The following MLIP variants were observed in gnomAD, a reference collection of about 807,000 sequenced individuals.
The protein encoded by MLIP is muscular LMNA interacting protein.
A neutral mutation model predicts 84.8 loss-of-function variants in MLIP; 79 were observed. The ratio of observed to expected loss-of-function variants is 0.93; its 90% confidence interval spans 0.78 to 1.12. The LOEUF is 1.12. MLIP is among the 50% of genes most tolerant of loss of function. The pLI is 0.00. For missense variants in MLIP, 1,257 were observed against 1,160.6 expected (o/e 1.08, Z -1.21); for synonymous variants, 504 against 463.0 (o/e 1.09, Z -1.14).
At chr6:54,139,300 A>G (rs886717117) in intron 4 of MLIP, among the ~76,000 whole-genome samples, 1 of 152,232 alleles carries the variant, frequency 6.6e-6, no homozygotes, top group Non-Finnish European at 1.5e-5. Flanking sequence ...TGTGTAAGTC[A>G]GATTATAAAT....
chr6:54,155,432 C>T (rs553908874), intron 5 of MLIP, among the ~76,000 whole-genome samples: 3 of 152,106 alleles, frequency 2.0e-5, no homozygotes, highest in South Asian at 2.1e-4. Flanking sequence ...TTGATTTGAT[C>T]GTTACTAAAA....
chr6:54,093,329 AATTCTATTCTATTCT>A lies in MLIP; in HGVS notation c.64-28067_64-28053del, dbSNP rs70980891. The stretch of plus-strand genomic sequence containing the variant: ...GTGCTTATTAATATATTTTCGATTA[AATTCTATTCTATTCT>A]ATTCTATTCTATTCTATTCTATTCT... On this transcript the variant is annotated intron_variant, in intron 1 of 12. Coordinates refer to the MLIP transcript ENST00000274897. 7.7e-3 allele frequency among the ~76,000 whole-genome samples: 1,035 copies of A among 134,074 alleles called. 9 individuals are homozygous for A. The highest frequency in any genetic ancestry group is 8.5e-3 in the South Asian group (32 of 3,762). 88.0% of individuals were successfully genotyped at this position (134,074 alleles called of 152,430 possible). A position where few individuals can be genotyped will look rare whatever the true frequency, so the allele number is the denominator to read the frequency against.
chr6:54,201,814 A>G (rs1255238224), intron 10 of MLIP, among the ~76,000 whole-genome samples: 3 of 152,184 alleles, frequency 2.0e-5, no homozygotes, highest in Admixed American at 6.5e-5. Context: ...TAGCAAATGA[A>G]ATATGTGTTG....
intron 1 of MLIP, among the ~76,000 whole-genome samples, chr6:54,087,852 CTTGCTCT>C (rs1432226127): frequency 6.9e-6 from 1 of 144,730 alleles, no homozygotes; most frequent in African/African-American, 2.5e-5. Flanking sequence ...GTTTGAGATT[CTTGCTCT>C]TTGCCAGAAG....
chr6:54,226,449 G>A (rs1048605991), intron 11 of MLIP, among the ~76,000 whole-genome samples: 3 of 152,158 alleles, frequency 2.0e-5, no homozygotes, highest in African/African-American at 7.2e-5. Flanking sequence ...AAGTTATTGA[G>A]ACTGGGTTAC....
At chr6:54,061,316 A>G (rs1242671468) in intron 1 of MLIP, among the ~76,000 whole-genome samples, 1 of 152,132 alleles carries the variant, frequency 6.6e-6, no homozygotes, top group Admixed American at 6.6e-5. Flanking sequence ...GCAGTAGACA[A>G]AACTGTATCA....
chr6:54,198,900 GTGTGTGTGTGTT>G (rs1778484956), intron 10 of MLIP, among the ~76,000 whole-genome samples: 7 of 138,998 alleles, frequency 5.0e-5, no homozygotes, highest in Non-Finnish European at 1.1e-4. Flanking sequence ...GTGTGTATAT[GTGTGTGTGTGTT>G]TGTGTGTGTG....
chr6:54,173,604 G>A (rs148702023), intron 9 of MLIP, among the ~76,000 whole-genome samples: 1 of 151,624 alleles, frequency 6.6e-6, no homozygotes, highest in Non-Finnish European at 1.5e-5. Flanking sequence ...TATTTTGTGG[G>A]TACATAGTAG....
At chr6:54,244,501 A>C (rs1359859745) in intron 12 of MLIP, among the ~76,000 whole-genome samples, 2 of 152,218 alleles carry the variant, frequency 1.3e-5, no homozygotes, top group Non-Finnish European at 2.9e-5. Flanking sequence ...ATGCAAATTA[A>C]TTTGACTTTT....
chr6:54,217,328 G>C (rs942268707), intron 11 of MLIP: 174 of 985,200 alleles, frequency 1.8e-4, no homozygotes, highest in Non-Finnish European at 2.1e-4. Context: ...AATAAGAAGA[G>C]CTCAAAATGC....
At chr6:54,218,345 C>T (rs969714636) in intron 11 of MLIP, among the ~76,000 whole-genome samples, 6 of 152,096 alleles carry the variant, frequency 3.9e-5, no homozygotes, top group Non-Finnish European at 4.4e-5. Flanking sequence ...TGATCATAGA[C>T]AGGGTACTGT....
At chr6:54,052,180 T>C (rs1056218090) in intron 1 of MLIP, among the ~76,000 whole-genome samples, 4 of 152,146 alleles carry the variant, frequency 2.6e-5, no homozygotes, top group African/African-American at 7.2e-5. Flanking sequence ...ATCACAGGTG[T>C]AGCCCTTTGC....
At chr6:54,157,682 A>G (rs1488386956) in intron 5 of MLIP, among the ~76,000 whole-genome samples, 1 of 152,092 alleles carries the variant, frequency 6.6e-6, no homozygotes, top group Non-Finnish European at 1.5e-5. Context: ...CAAGGAAAGG[A>G]ACCTCTCCCC....
chr6:54,167,252 C>A (rs1168532092), intron 8 of MLIP, among the ~76,000 whole-genome samples: 1 of 151,826 alleles, frequency 6.6e-6, no homozygotes, highest in East Asian at 1.9e-4. Context: ...AGAATATAAG[C>A]AAAGTCCTCA....
At chr6:54,125,984 A>C (rs1168022234) in intron 3 of MLIP, among the ~76,000 whole-genome samples, 3 of 151,716 alleles carry the variant, frequency 2.0e-5, no homozygotes, top group African/African-American at 7.3e-5. Flanking sequence ...TGGTAGTAAA[A>C]GACACACACT....
intron 11 of MLIP, among the ~76,000 whole-genome samples, chr6:54,208,903 G>T (rs1779226938): frequency 6.6e-6 from 1 of 152,190 alleles, no homozygotes; most frequent in South Asian, 2.1e-4. Flanking sequence ...TGTTTTGTGT[G>T]ATAGCTGTTA....
intron 4 of MLIP, among the ~76,000 whole-genome samples, chr6:54,138,707 A>G (rs1017836175): frequency 6.6e-6 from 1 of 152,170 alleles, no homozygotes; most frequent in Admixed American, 6.5e-5. Context: ...GGAATAGTAG[A>G]CAGGATTAAT....
At chr6:54,088,186 G>T (rs1767625860) in intron 1 of MLIP, among the ~76,000 whole-genome samples, 1 of 152,164 alleles carries the variant, frequency 6.6e-6, no homozygotes, top group Non-Finnish European at 1.5e-5. Flanking sequence ...AAGGAAAAGA[G>T]AGAAACTTAT....
chr6:54,215,560 G>T, intron 11 of MLIP: 1 of 251,868 alleles, frequency 4.0e-6, no homozygotes, highest in Non-Finnish European at 6.6e-6. Context: ...GATTACCACA[G>T]TTAAATTAAT....
Sources: gnomAD v4.1 joint callset for allele counts (sites outside exome capture counted in the v4.1 genomes callset) on GRCh38, gnomAD v4.1.1 for gene constraint, MANE v1.5 for transcripts, NCBI Gene and HGNC (gene_info 2026-07-23, HGNC 2026-07-21) for gene names.